Variants in PCDH15 observed in about 807,000 individuals in gnomAD.
PCDH15 encodes protocadherin related 15, also known as protocadherin-15.
In PCDH15, 129 loss-of-function variants were observed where a neutral mutation model predicts 178.5. That is an observed-to-expected ratio of 0.72 (90% confidence interval 0.63 to 0.84). PCDH15 has a LOEUF of 0.84. Ranked by LOEUF, PCDH15 falls within the 40% of genes least tolerant of loss-of-function variation. The pLI is 0.00. For synonymous variants in PCDH15, 800 were observed against 732.0 expected (o/e 1.09, Z -1.50); for missense variants, 2,230 against 2,099.9 (o/e 1.06, Z -1.21).
At chr10:53,972,142 C>T (rs2089757228) in intron 21 of PCDH15, among the ~76,000 whole-genome samples, 1 of 152,172 alleles carries the variant, frequency 6.6e-6, no homozygotes, top group Admixed American at 6.5e-5. Context: ...CACACATTTA[C>T]AACCATCTGA....
At chr10:55,545,845 G>A (rs1266403431) in intron 2 of PCDH15, among the ~76,000 whole-genome samples, 1 of 151,838 alleles carries the variant, frequency 6.6e-6, no homozygotes, top group Non-Finnish European at 1.5e-5. Context: ...ATTTTTATCT[G>A]TCTCCCTCAC....
intron 2 of PCDH15, among the ~76,000 whole-genome samples, chr10:55,034,273 C>G (rs1161642339): frequency 6.6e-6 from 1 of 152,020 alleles, no homozygotes. Context: ...AAAAATAATA[C>G]TTTTTCCTGT....
chr10:55,435,489 G>C (rs1839016980), intron 2 of PCDH15, among the ~76,000 whole-genome samples: 1 of 152,154 alleles, frequency 6.6e-6, no homozygotes. Flanking sequence ...GTTAACATTT[G>C]TAATAATAAC....
intron 8 of PCDH15, among the ~76,000 whole-genome samples, chr10:54,256,370 T>A (rs2056898318): frequency 6.6e-6 from 1 of 152,194 alleles, no homozygotes; most frequent in Non-Finnish European, 1.5e-5. Context: ...TTAGAAATAT[T>A]TGAGATAGGT....
Position 54,613,484 on chromosome 10 carries a change from GTC to G in PCDH15, c.91+50686_91+50687del, listed in dbSNP as rs552902855. Among the ~76,000 whole-genome samples, 6 of 147,108 alleles carry G rather than the reference GTC, an allele frequency of 4.1e-5. No homozygotes were observed. The South Asian group carries it at 1.1e-3, about 26-fold the overall frequency. On this transcript the variant is annotated intron_variant, in intron 2 of 37. Transcript: ENST00000644397. The stretch of plus-strand genomic sequence containing the variant: ...TATAAAAAGCTTCAGTCTCTCTTTT[GTC>G]TCTCTCTCACACACACATACACACA...
chr10:54,297,656 G>A (rs1032493212), intron 8 of PCDH15, among the ~76,000 whole-genome samples: 3 of 152,108 alleles, frequency 2.0e-5, no homozygotes, highest in Admixed American at 6.6e-5. Context: ...AATCCCCCAG[G>A]CTATTGGTTC....
chr10:55,313,914 G>A (rs1843656137), intron 1 of PCDH15, among the ~76,000 whole-genome samples: 1 of 152,028 alleles, frequency 6.6e-6, no homozygotes. Flanking sequence ...TTTTGATGAG[G>A]GAGGTAGACA....
chr10:54,729,149 A>G (rs1014054671), intron 1 of PCDH15, among the ~76,000 whole-genome samples: 30 of 151,764 alleles, frequency 2.0e-4, no homozygotes, highest in African/African-American at 7.2e-4. Flanking sequence ...TGAAAGCATC[A>G]CACTACCTGA....
At position 55,462,498 on chromosome 10, in the gene PCDH15, A is replaced by G. The variant is rs531897447; in HGVS notation, c.-156+165127T>C. Among the ~76,000 whole-genome samples the G allele has an allele frequency of 1.3e-4, 20 of 152,272 alleles. No homozygotes were observed. The South Asian group carries it at 4.1e-3, about 32-fold the overall frequency. Reference sequence around the variant, plus strand: ...CTTCTGAGTATGGCAAGGAGTATCAATGTTTCCATTGTTGCTTTAAAGCAT... The same window carrying G: ...CTTCTGAGTATGGCAAGGAGTATCAGTGTTTCCATTGTTGCTTTAAAGCAT... On this transcript the variant is annotated intron_variant, in intron 2 of 5. Transcript: ENST00000613346.
rs1035474552 is a variant in PCDH15, at chr10:54,122,157, C to T, written c.1917+10718G>A. ...AACAACACATCAAATATTTAATTTA[C>T]GATGATCAGGTAGGGTTAATTCCTG... On this transcript the variant is annotated intron_variant, in intron 15 of 37. Coordinates refer to ENST00000644397, the MANE Select transcript of PCDH15 (RefSeq NM_001384140.1). 2.6e-5 allele frequency among the ~76,000 whole-genome samples: 4 copies of T among 151,940 alleles called. No homozygotes were observed. The South Asian group carries it at 6.3e-4, about 24-fold the overall frequency.
chr10:54,467,574 T>G (rs1242660308), intron 3 of PCDH15, among the ~76,000 whole-genome samples: 1 of 151,298 alleles, frequency 6.6e-6, no homozygotes, highest in Non-Finnish European at 1.5e-5. Context: ...ATTTTGCATC[T>G]TTGTTCATCA....
intron 2 of PCDH15, among the ~76,000 whole-genome samples, chr10:54,563,332 C>T (rs1477687709): frequency 2.0e-5 from 3 of 152,062 alleles, no homozygotes; most frequent in Non-Finnish European, 2.9e-5. Context: ...GCTTTTTTAG[C>T]GCTTTTCCTC....
At chr10:55,392,448 C>T (rs1488036973) in intron 2 of PCDH15, among the ~76,000 whole-genome samples, 1 of 152,008 alleles carries the variant, frequency 6.6e-6, no homozygotes, top group Non-Finnish European at 1.5e-5. Flanking sequence ...TTAGTTTATA[C>T]CTAAGGAAAA....
intron 23 of PCDH15, 43 bp downstream of exon 23, chr10:53,959,689 C>T: frequency 1.4e-6 from 2 of 1,455,218 alleles, no homozygotes; most frequent in Non-Finnish European, 9.6e-7. Context: ...TCAAAAATGC[C>T]CTAAACATTT....
At chr10:55,195,695 T>C (rs977067731) in intron 1 of PCDH15, among the ~76,000 whole-genome samples, 4 of 150,072 alleles carry the variant, frequency 2.7e-5, no homozygotes, top group African/African-American at 4.9e-5. Flanking sequence ...ACATGCGTGA[T>C]AGATTTAAAC....
At chr10:53,868,265 CTATTAT>C (rs561477798) in intron 26 of PCDH15, among the ~76,000 whole-genome samples, 6 of 151,664 alleles carry the variant, frequency 4.0e-5, no homozygotes, top group African/African-American at 7.2e-5. Context: ...TTTACCTATG[CTATTAT>C]TATTAAGTAT....
At chr10:54,358,560 G>T (rs1945431134) in intron 5 of PCDH15, among the ~76,000 whole-genome samples, 1 of 152,086 alleles carries the variant, frequency 6.6e-6, no homozygotes, top group East Asian at 1.9e-4. Flanking sequence ...TACACTGTTG[G>T]TGGGACTGTA....
At chr10:54,679,755 C>T (rs1169721750) in intron 1 of PCDH15, among the ~76,000 whole-genome samples, 1 of 152,014 alleles carries the variant, frequency 6.6e-6, no homozygotes, top group African/African-American at 2.4e-5. Context: ...GTTTAAACTA[C>T]CATTAGAAGT....
chr10:55,073,786 T>G (rs1449337670), intron 2 of PCDH15, among the ~76,000 whole-genome samples: 1 of 152,172 alleles, frequency 6.6e-6, no homozygotes. Flanking sequence ...TAGGCTTTTT[T>G]GGGGGGGAGA....
Sources: gnomAD v4.1 joint callset for allele counts (sites outside exome capture counted in the v4.1 genomes callset) on GRCh38, gnomAD v4.1.1 for gene constraint, MANE v1.5 for transcripts, NCBI Gene and HGNC (gene_info 2026-07-23, HGNC 2026-07-21) for gene names.